The following RAPGEF5 variants were observed in gnomAD, a reference collection of about 807,000 sequenced individuals.
RAPGEF5 encodes the protein M-Ras-regulated GEF.
RAPGEF5 carries 65 observed loss-of-function variants against 125.2 expected under a neutral mutation model. The ratio of observed to expected loss-of-function variants is 0.52; its 90% CI spans 0.43 to 0.64. The LOEUF (loss-of-function observed/expected upper bound fraction) is 0.64. RAPGEF5 is among the 30% of genes least tolerant of loss of function. RAPGEF5 has a pLI of 0.00. For missense variants in RAPGEF5, 958 were observed against 1,048.1 expected (o/e 0.91, Z 1.19); for synonymous variants, 391 against 385.9 (o/e 1.01, Z -0.16).
chr7:22,226,459 T>C (rs1308876467), intron 8 of RAPGEF5, among the ~76,000 whole-genome samples: 11 of 152,164 alleles, frequency 7.2e-5, no homozygotes, highest in Admixed American at 7.2e-4. Flanking sequence ...AGACAGTTCA[T>C]AGTCAAAAAA....
At chr7:22,303,917 C>G (rs889726813) in intron 5 of RAPGEF5, among the ~76,000 whole-genome samples, 15 of 152,060 alleles carry the variant, frequency 9.9e-5, no homozygotes, top group African/African-American at 3.1e-4. Context: ...GCAAGAAGAG[C>G]AGAGGAAAGA....
At position 22,282,518 on chromosome 7, in the gene RAPGEF5, GA is replaced by G. The variant is rs568231676; in HGVS notation, c.747+8656del. ...GTAAATATAAAATGTTTTAAGTGAT[GA>G]TAATGTGGAAAACTGTGTTTTCAAC... On this transcript the variant is annotated intron_variant, in intron 6 of 25. Coordinates refer to ENST00000665637, the MANE Select transcript of RAPGEF5 (RefSeq NM_012294.5). 1.4e-4 allele frequency among the ~76,000 whole-genome samples: 22 copies of G among 152,268 alleles called. No individual in the cohort carries two copies. In the South Asian group the frequency reaches 4.6e-3, roughly 32 times the overall value.
At chr7:22,137,125 G>T (rs1316348383) in intron 21 of RAPGEF5, 142 bp from the exon 22 acceptor site, 1 of 643,968 alleles carries the variant, frequency 1.6e-6, no homozygotes, top group Non-Finnish European at 2.7e-6. Flanking sequence ...AATCCTGATT[G>T]CTTCTCATTA....
chr7:22,355,192 G>A (rs532913691), intron 1 of RAPGEF5, among the ~76,000 whole-genome samples: 35 of 152,200 alleles, frequency 2.3e-4, no homozygotes, highest in Middle Eastern at 3.4e-3. Context: ...GGTTAATAAA[G>A]CATACATTAT....
At chr7:22,219,288 CG>C (rs1785719612) in intron 9 of RAPGEF5, among the ~76,000 whole-genome samples, 1 of 151,900 alleles carries the variant, frequency 6.6e-6, no homozygotes, top group Non-Finnish European at 1.5e-5. Context: ...GAGGACCAAG[CG>C]GAACGTCCCT....
chr7:22,132,560 A>C (rs1307735198), intron 23 of RAPGEF5, among the ~76,000 whole-genome samples: 2 of 152,164 alleles, frequency 1.3e-5, no homozygotes, highest in Admixed American at 6.5e-5. Flanking sequence ...CACAGGTTTT[A>C]CCTTTTCTGT....
chr7:22,212,546 C>T (rs16873181), intron 9 of RAPGEF5, among the ~76,000 whole-genome samples: 8,308 of 150,566 alleles, frequency 0.055, 359 homozygotes, highest in South Asian at 0.16. Context: ...CTGTAAATTG[C>T]TGCCTATGTC....
chr7:22,345,594 T>C (rs1439051004), intron 1 of RAPGEF5, among the ~76,000 whole-genome samples: 1 of 152,056 alleles, frequency 6.6e-6, no homozygotes, highest in East Asian at 1.9e-4. Context: ...AGGTAAAGCA[T>C]TATATAAACC....
chr7:22,192,946 A>C, intron 11 of RAPGEF5: 1 of 200,414 alleles, frequency 5.0e-6, no homozygotes. Flanking sequence ...TAGTTGCATT[A>C]ATTGTTGACA....
intron 1 of RAPGEF5, among the ~76,000 whole-genome samples, chr7:22,354,162 A>G (rs1296505539): frequency 6.6e-6 from 1 of 152,228 alleles, no homozygotes; most frequent in Non-Finnish European, 1.5e-5. Flanking sequence ...TGTTAATGTC[A>G]GTTGATGTCA....
chr7:22,317,503 G>A (rs1304667194), intron 2 of RAPGEF5, among the ~76,000 whole-genome samples: 3 of 152,002 alleles, frequency 2.0e-5, no homozygotes, highest in Non-Finnish European at 4.4e-5. Context: ...GCCTCCCAAA[G>A]TGCAGGGATT....
intron 6 of RAPGEF5, among the ~76,000 whole-genome samples, chr7:22,269,960 A>T (rs1049994423): frequency 6.6e-6 from 1 of 152,218 alleles, no homozygotes; most frequent in Non-Finnish European, 1.5e-5. Context: ...AAAGGTCGAA[A>T]GGTTCTGCAG....
Position 22,136,076 on chromosome 7 carries a change from T to C in RAPGEF5, c.2378A>G (p.Lys793Arg). Reference protein sequence around the residue: ...KAYRDAFKKMKPPKIPFMPLL... With the variant: ...KAYRDAFKKMRPPKIPFMPLL... ...GGGCATGAAAGGGATTTTTGGTGGC[T>C]TCATCTTTTTGAATGCATCTCTGTA... The change falls in exon 23 of 26, where the codon AAG becomes AGG. Residue 793 changes from lysine (K) to arginine (R), a missense_variant. Coordinates refer to ENST00000665637, the MANE Select transcript of RAPGEF5 (RefSeq NM_012294.5). The C allele has an allele frequency of 6.2e-7, 1 of 1,612,790 alleles. No homozygotes were observed. Among genetic ancestry groups the C allele is most frequent in the Non-Finnish European group, 8.5e-7 (1 of 1,179,156 alleles).
chr7:22,156,269 A>ATATTTCT (rs1783804441), intron 16 of RAPGEF5, among the ~76,000 whole-genome samples: 1 of 152,214 alleles, frequency 6.6e-6, no homozygotes, highest in African/African-American at 2.4e-5. Context: ...ACCACTGGTA[A>ATATTTCT]TATTTCTTAT....
At chr7:22,258,418 C>T (rs951939763) in intron 7 of RAPGEF5, among the ~76,000 whole-genome samples, 3 of 151,876 alleles carry the variant, frequency 2.0e-5, no homozygotes, top group Admixed American at 1.3e-4. Context: ...GTTGGGAGTT[C>T]GAGACCAGCC....
At chr7:22,196,713 T>C (rs1348949530) in intron 9 of RAPGEF5, among the ~76,000 whole-genome samples, 1 of 152,134 alleles carries the variant, frequency 6.6e-6, no homozygotes, top group Non-Finnish European at 1.5e-5. Context: ...GAAATACCAT[T>C]AAACAGGGGA....
rs1783383099 is a variant in RAPGEF5, at chr7:22,144,950, C to G, written c.2186+94G>C. ...TTAACTCCATATTACACGTTTATAT[C>G]CCAACCCTTATCATCATAAGAAAGA... is the stretch of plus-strand genomic sequence containing the variant. On this transcript the variant is annotated intron_variant, in intron 20 of 25. Coordinates refer to ENST00000665637, the MANE Select transcript of RAPGEF5 (RefSeq NM_012294.5). 2.1e-6 allele frequency: 3 copies of G among 1,404,132 alleles called. No homozygotes were observed. The Admixed American group carries it at 7.5e-5, about 35-fold the overall frequency. 87.0% of individuals were successfully genotyped at this position (1,404,132 alleles called of 1,614,324 possible).
intron 1 of RAPGEF5, among the ~76,000 whole-genome samples, chr7:22,336,712 G>A (rs1368297526): frequency 6.6e-6 from 1 of 152,148 alleles, no homozygotes; most frequent in Non-Finnish European, 1.5e-5. Flanking sequence ...TTCCTGGGTG[G>A]AACCTGGGAT....
chr7:22,301,587 T>C (rs904410134), intron 5 of RAPGEF5, among the ~76,000 whole-genome samples: 8 of 138,604 alleles, frequency 5.8e-5, no homozygotes, highest in Non-Finnish European at 1.1e-4. Context: ...TGCACTCCAG[T>C]CTGGGTGGCA....
Sources: gnomAD v4.1 joint callset for allele counts (sites outside exome capture counted in the v4.1 genomes callset) on GRCh38, gnomAD v4.1.1 for gene constraint, MANE v1.5 for transcripts, NCBI Gene and HGNC (gene_info 2026-07-23, HGNC 2026-07-21) for gene names.